PRKCZ: variants seen among roughly 807,000 people sequenced by gnomAD.
PRKCZ encodes protein kinase C zeta.
PRKCZ carries 33 observed loss-of-function variants against 79.5 expected under a neutral mutation model. That is an observed-to-expected ratio of 0.41 (90% CI 0.31 to 0.55). PRKCZ has a LOEUF of 0.55. Ranked by LOEUF, PRKCZ falls within the 20% of genes least tolerant of loss-of-function variation. The pLI, the probability that PRKCZ is intolerant of heterozygous loss-of-function variation, is 0.19. For missense variants in PRKCZ, 578 were observed against 813.5 expected, an observed-to-expected ratio of 0.71 and a Z score of 3.52; for synonymous variants, 342 against 320.9, an observed-to-expected ratio of 1.07 and a Z score of -0.70.
At position 2,078,127 on chromosome 1, in the gene PRKCZ, C is replaced by T. The variant is rs148646934; in HGVS notation, c.334+18536C>T. 4.2e-3 allele frequency among the ~76,000 whole-genome samples: 642 copies of T among 152,352 alleles called. 6 individuals are homozygous for T. Among genetic ancestry groups the T allele is most frequent in the African/African-American group, 0.014 (601 of 41,586 alleles). ...GCACCTGGCCCCCCACACAACATGC[C>T]GTGGGGCTTCCCTGTGCCCCGAGCT... is the stretch of plus-strand genomic sequence containing the variant. On this transcript the variant is annotated intron_variant, in intron 4 of 17. Transcript: ENST00000378567.
intron 9 of PRKCZ, among the ~76,000 whole-genome samples, chr1:2,152,098 G>A (rs262664): frequency 3.3e-5 from 5 of 151,932 alleles, no homozygotes; most frequent in African/African-American, 9.7e-5. Context: ...CACTCTGCCC[G>A]CCTCAGCCTG....
At chr1:2,106,400 CA>C (rs1668419713) in intron 4 of PRKCZ, among the ~76,000 whole-genome samples, 2 of 152,196 alleles carry the variant, frequency 1.3e-5, no homozygotes, top group African/African-American at 4.8e-5. Flanking sequence ...TGACTCTCAG[CA>C]AGCCCCTCTA....
chr1:2,073,913 G>T lies in PRKCZ; in HGVS notation c.334+14322G>T. 3 of 1,301,564 alleles carry T rather than the reference G, an allele frequency of 2.3e-6. No individual in the cohort carries two copies. The South Asian group carries it at 5.0e-5, about 22-fold the overall frequency. The allele number at this position is 1,301,564 out of a possible 1,614,324, so 80.6% of individuals were successfully genotyped here. A position where few individuals can be genotyped will look rare whatever the true frequency, so the allele number is the denominator to read the frequency against. ...AGCATAAAGAATCTGCGCTGAGGAGGCAGGAGAAGAAAGCCGGTGAGTCGG... is the reference window on the plus strand; with the variant it reads ...AGCATAAAGAATCTGCGCTGAGGAGTCAGGAGAAGAAAGCCGGTGAGTCGG... On this transcript the variant is annotated intron_variant, in intron 4 of 17. Transcript: ENST00000378567.
At position 2,173,013 on chromosome 1, in the gene PRKCZ, G is replaced by A. The variant is rs933892624; in HGVS notation, c.1285+625G>A. On this transcript the variant is annotated intron_variant, in intron 13 of 17. Transcript: ENST00000378567. This position sits in a 1 kb window ranked among gnomAD's most constrained non-coding sequence, Gnocchi z 5.7. ...TGGGCACGCGTGTGCAGCCCTGTGT[G>A]CGTGTGTGCCGTTGGGCTGAGTGTT... Among the ~76,000 whole-genome samples the A allele has an allele frequency of 1.3e-5, 2 of 152,184 alleles. No individual in the cohort carries two copies. Among genetic ancestry groups the A allele is most frequent in the African/African-American group, 4.8e-5 (2 of 41,434 alleles).
At chr1:2,090,530 G>T (rs1395605990) in intron 4 of PRKCZ, among the ~76,000 whole-genome samples, 1 of 152,196 alleles carries the variant, frequency 6.6e-6, no homozygotes, top group Non-Finnish European at 1.5e-5. Context: ...AGGAGCTTAA[G>T]GCCCCTAAAG....
At chr1:2,133,399 C>A (rs1454579334) in intron 4 of PRKCZ, among the ~76,000 whole-genome samples, 1 of 151,398 alleles carries the variant, frequency 6.6e-6, no homozygotes, top group Non-Finnish European at 1.5e-5. Flanking sequence ...CTCAGCTCCA[C>A]CCCCAGCTGC....
intron 4 of PRKCZ, among the ~76,000 whole-genome samples, chr1:2,106,545 C>T (rs4648802): frequency 0.14 from 3,425 of 24,428 alleles, 803 homozygotes; most frequent in Non-Finnish European, 0.2. Context: ...AGGACCTCCA[C>T]ACGTGTCACC....
intron 10 of PRKCZ, 56 bp from the exon 11 acceptor site, chr1:2,169,462 A>G: frequency 6.8e-7 from 1 of 1,472,188 alleles, no homozygotes. Context: ...GCTTCTGTCT[A>G]AGGAGGCCGC....
chr1:2,151,403 C>A (rs1237872121), intron 9 of PRKCZ, among the ~76,000 whole-genome samples: 1 of 152,256 alleles, frequency 6.6e-6, no homozygotes, highest in African/African-American at 2.4e-5. Context: ...TGGCCAACCA[C>A]TGATACGTTG....
chr1:2,153,660 C>A (rs1680351499), intron 9 of PRKCZ, among the ~76,000 whole-genome samples: 1 of 152,216 alleles, frequency 6.6e-6, no homozygotes, highest in South Asian at 2.1e-4. Flanking sequence ...ATTCCAGCCC[C>A]CTTTGCAGCA....
rs1343247800 is a variant in PRKCZ, at chr1:2,128,264, C to A, written c.335-6998C>A. ...TTGCACCCATCCGGGCCCCGCAGGG[C>A]CGTCCTGTGGCACTGCTTTGGGCTG... On this transcript the variant is annotated intron_variant, in intron 4 of 17. Transcript: ENST00000378567. The surrounding 1 kb of genome is among the most constrained non-coding windows in gnomAD (Gnocchi z 6.5). Among the ~76,000 whole-genome samples, 1 of 152,222 alleles carries A rather than the reference C, an allele frequency of 6.6e-6. No homozygotes were observed. The highest frequency in any genetic ancestry group is 1.5e-5 in the Non-Finnish European group (1 of 68,026).
At chr1:2,118,588 C>T (rs1247840700) in intron 4 of PRKCZ, among the ~76,000 whole-genome samples, 1 of 147,214 alleles carries the variant, frequency 6.8e-6, no homozygotes, top group African/African-American at 2.5e-5. Flanking sequence ...CCGCCTGCTT[C>T]GGCCTCCCAA....
rs12723077 is a variant in PRKCZ, at chr1:2,106,642, T to C, written c.335-28620T>C. Among the ~76,000 whole-genome samples, 380 of 50,906 alleles carry C rather than the reference T, an allele frequency of 7.5e-3. 51 individuals carry two copies. Among genetic ancestry groups the C allele is most frequent in the East Asian group, 0.071 (76 of 1,074 alleles). 33.4% of individuals were successfully genotyped at this position (50,906 alleles called of 152,430 possible). The stretch of plus-strand genomic sequence containing the variant: ...CCAGGTAACTCTCAGCAAGCCCCTC[T>C]GGTGGGCGAGGACCTCCACGTGTGT... On this transcript the variant is annotated intron_variant, in intron 4 of 17. Coordinates refer to ENST00000378567, the MANE Select transcript of PRKCZ (RefSeq NM_002744.6).
chr1:2,165,747 C>T lies in PRKCZ; in HGVS notation c.975-3771C>T, dbSNP rs931395423. On this transcript the variant is annotated intron_variant, in intron 10 of 17. Transcript: ENST00000378567. The surrounding 1 kb of genome is among the most constrained non-coding windows in gnomAD (Gnocchi z 4.1). ...ACCCATCTGGTTAATTCTTGACTCT[C>T]AGGGCAGCGTCTCCTGTGCCTCCAG... is the stretch of plus-strand genomic sequence containing the variant. Among the ~76,000 whole-genome samples, 1 of 152,198 alleles carries T rather than the reference C, an allele frequency of 6.6e-6. No individual in the cohort carries two copies. The highest frequency in any genetic ancestry group is 1.5e-5 in the Non-Finnish European group (1 of 68,032).
intron 4 of PRKCZ, among the ~76,000 whole-genome samples, chr1:2,061,735 G>A (rs1461125053): frequency 1.3e-5 from 2 of 152,182 alleles, no homozygotes; most frequent in East Asian, 3.9e-4. Flanking sequence ...CATGGCGCTA[G>A]TGTCAGGAGT....
intron 4 of PRKCZ, among the ~76,000 whole-genome samples, chr1:2,073,154 G>T (rs936709563): frequency 6.6e-6 from 1 of 152,114 alleles, no homozygotes; most frequent in Non-Finnish European, 1.5e-5. Flanking sequence ...GGGAATGCGG[G>T]TGTCTCCTGC....
At chr1:2,074,928 T>C (rs1243562879) in intron 4 of PRKCZ, 1 of 150,716 alleles carries the variant, frequency 6.6e-6, no homozygotes, top group African/African-American at 2.4e-5. Context: ...TGGGGAGCCG[T>C]GGGCCTGGGG....
upstream of PRKCZ, chr1:2,050,062 C>G (rs867837497): frequency 3.9e-5 from 6 of 152,288 alleles, no homozygotes; most frequent in Non-Finnish European, 7.3e-5. Context: ...TGGCAGCGCG[C>G]GCCGCAGGAG....
At chr1:2,147,047 G>T (rs1179025314) in intron 7 of PRKCZ, among the ~76,000 whole-genome samples, 1 of 152,220 alleles carries the variant, frequency 6.6e-6, no homozygotes, top group East Asian at 1.9e-4. Flanking sequence ...CCATCCTCCA[G>T]CTATCTTCCA....
Sources: allele counts gnomAD v4.1 joint callset (sites outside exome capture counted in the v4.1 genomes callset), GRCh38; gene constraint gnomAD v4.1.1; non-coding constraint Gnocchi (gnomAD v3.1); transcripts MANE v1.5; gene names NCBI Gene and HGNC (gene_info 2026-07-23, HGNC 2026-07-21).